The following ARHGAP22 variants were observed in gnomAD, a reference collection of about 807,000 sequenced individuals.
The protein encoded by ARHGAP22 is rho GTPase-activating protein 22.
ARHGAP22 carries 48 observed loss-of-function variants against 59.1 expected under a neutral mutation model. The ratio of observed to expected loss-of-function variants is 0.81; its 90% CI spans 0.64 to 1.03. The LOEUF is 1.03. ARHGAP22 is among the 50% of genes least tolerant of loss of function. The pLI, the probability that ARHGAP22 is intolerant of heterozygous loss-of-function variation, is 0.00. For synonymous variants in ARHGAP22, 445 were observed against 416.4 expected, an observed-to-expected ratio of 1.07 and a Z score of -0.84; for missense variants, 1,015 against 958.7, an observed-to-expected ratio of 1.06 and a Z score of -0.78.
chr10:48,574,960 G>A (rs1441448839), intron 2 of ARHGAP22: 1 of 152,200 alleles, frequency 6.6e-6, no homozygotes, highest in Non-Finnish European at 1.5e-5. Context: ...CCCAGTGTTG[G>A]AGGTGGGGCC....
At chr10:48,540,457 C>T (rs761189453) in intron 3 of ARHGAP22, among the ~76,000 whole-genome samples, 3 of 152,198 alleles carry the variant, frequency 2.0e-5, no homozygotes, top group Non-Finnish European at 4.4e-5. Context: ...TCTCGAACTC[C>T]TGACCTCAAG....
chr10:48,463,575 G>A (rs1261289543), intron 4 of ARHGAP22, among the ~76,000 whole-genome samples: 1 of 152,140 alleles, frequency 6.6e-6, no homozygotes, highest in Non-Finnish European at 1.5e-5. Flanking sequence ...TGCCTTCATG[G>A]GCCTGTGAGT....
intron 3 of ARHGAP22, among the ~76,000 whole-genome samples, chr10:48,503,166 G>A (rs1166336679): frequency 1.3e-5 from 2 of 152,188 alleles, no homozygotes; most frequent in East Asian, 1.9e-4. Context: ...TATTTGGAGG[G>A]AGAAGAAAAT....
At chr10:48,479,971 C>A (rs4838602) in intron 3 of ARHGAP22, among the ~76,000 whole-genome samples, 141,742 of 152,194 alleles carry the variant, frequency 0.93, 66,890 homozygotes, top group East Asian at 1. Context: ...TTTTTCCCTT[C>A]GTCTCACTTT....
At chr10:48,582,821 T>G in intron 2 of ARHGAP22, 132 bp downstream of exon 2, 2 of 1,064,504 alleles carry the variant, frequency 1.9e-6, no homozygotes, top group South Asian at 3.2e-5. Context: ...AAAATTACTT[T>G]GGAAATCCTG....
At chr10:48,639,213 T>C (rs1234597250) in intron 1 of ARHGAP22, among the ~76,000 whole-genome samples, 1 of 152,198 alleles carries the variant, frequency 6.6e-6, no homozygotes, top group Non-Finnish European at 1.5e-5. Context: ...ATTATGATTG[T>C]CAGTACTACT....
intron 1 of ARHGAP22, among the ~76,000 whole-genome samples, chr10:48,645,441 G>C (rs762155146): frequency 6.6e-6 from 1 of 152,098 alleles, no homozygotes; most frequent in Non-Finnish European, 1.5e-5. Flanking sequence ...ATTTATCCCA[G>C]GAATGTAACA....
At chr10:48,466,398 C>A (rs915922733) in intron 4 of ARHGAP22, among the ~76,000 whole-genome samples, 1 of 151,998 alleles carries the variant, frequency 6.6e-6, no homozygotes, top group African/African-American at 2.4e-5. Context: ...GGGAACCGTC[C>A]CGCAGCACCA....
chr10:48,459,758 G>C lies in ARHGAP22; in HGVS notation c.585C>G (p.Arg195=). Residue 195 remains arginine (R), a synonymous_variant, in exon 5 of 10, where the codon CGC becomes CGG. Transcript: ENST00000249601. ...ERGLTEEGLF[R]MPGQANLVRD... ...TCACCAGGTTGGCCTGGCCTGGCAT[G>C]CGGAACAGCCCCTCCTCAGTGAGCC... The C allele has an allele frequency of 3.7e-6, 6 of 1,614,058 alleles. No homozygotes were observed. Among genetic ancestry groups the C allele is most frequent in the Non-Finnish European group, 4.2e-6 (5 of 1,180,030 alleles).
chr10:48,539,178 AT>A (rs2055665429), intron 3 of ARHGAP22, among the ~76,000 whole-genome samples: 1 of 151,664 alleles, frequency 6.6e-6, no homozygotes, highest in African/African-American at 2.4e-5. Context: ...CAAATAGTAG[AT>A]TTTCATTCCA....
At chr10:48,599,073 G>A (rs530941339) in intron 1 of ARHGAP22, among the ~76,000 whole-genome samples, 4 of 152,296 alleles carry the variant, frequency 2.6e-5, no homozygotes, top group Non-Finnish European at 5.9e-5. Context: ...GAGGATGAAG[G>A]GAGATAATGC....
the ARHGAP22 span, chr10:48,436,636 A>G: frequency 6.6e-6 from 1 of 152,238 alleles, no homozygotes; most frequent in South Asian, 2.1e-4. Flanking sequence ...TTGGCATTTT[A>G]TTCATATATT....
Position 48,446,360 on chromosome 10 carries a change from C to T in ARHGAP22, c.*31G>A, listed in dbSNP as rs1051507. On this transcript the variant is annotated 3_prime_UTR_variant, in exon 10 of 10. Coordinates refer to ENST00000249601, the MANE Select transcript of ARHGAP22 (RefSeq NM_021226.4). ...CCATACAAGGCTGGAGACCAGCAGA[C>T]GTGGTACAGAAGTGAGCTCTGCCAT... 0.55 allele frequency: 879,105 copies of T among 1,607,814 alleles called. 243,883 individuals are homozygous for T. Among genetic ancestry groups the T allele is most frequent in the East Asian group, 0.65 (28,989 of 44,826 alleles).
chr10:48,459,973 T>G, intron 4 of ARHGAP22, 82 bp from the exon 5 acceptor site: 1 of 1,388,518 alleles, frequency 7.2e-7, no homozygotes, highest in South Asian at 1.3e-5. Flanking sequence ...GCAGGCGCAC[T>G]GTTAGGGCTA....
intron 3 of ARHGAP22, among the ~76,000 whole-genome samples, chr10:48,498,030 C>CTG (rs1469076783): frequency 6.6e-6 from 1 of 152,174 alleles, no homozygotes; most frequent in Non-Finnish European, 1.5e-5. Context: ...CTTAGAGTTG[C>CTG]TGTGTGTGTA....
intron 3 of ARHGAP22, among the ~76,000 whole-genome samples, chr10:48,531,332 G>A (rs2054826095): frequency 6.6e-6 from 1 of 152,180 alleles, no homozygotes; most frequent in Admixed American, 6.5e-5. Flanking sequence ...GCACTGCTGA[G>A]GTGATGGGTG....
intron 3 of ARHGAP22, chr10:48,493,308 A>T: frequency 1.0e-6 from 1 of 984,274 alleles, no homozygotes; most frequent in Non-Finnish European, 1.5e-6. Flanking sequence ...CCCAGTCTTC[A>T]TTCATGTCTT....
chr10:48,542,641 A>T (rs917966582), intron 3 of ARHGAP22, among the ~76,000 whole-genome samples: 1 of 152,256 alleles, frequency 6.6e-6, no homozygotes, highest in Non-Finnish European at 1.5e-5. Context: ...GACCACAGGC[A>T]TGAGGAGGGC....
At chr10:48,641,825 T>C (rs973780834) in intron 1 of ARHGAP22, among the ~76,000 whole-genome samples, 3 of 152,214 alleles carry the variant, frequency 2.0e-5, no homozygotes, top group East Asian at 1.9e-4. Context: ...GCAGATGACA[T>C]GATTGTATAT....
Sources: allele counts gnomAD v4.1 joint callset (sites outside exome capture counted in the v4.1 genomes callset), GRCh38; gene constraint gnomAD v4.1.1; transcripts MANE v1.5; gene names NCBI Gene and HGNC (gene_info 2026-07-23, HGNC 2026-07-21).